The following GAP43 variants were observed in gnomAD, a reference collection of about 807,000 sequenced individuals.
GAP43 encodes the protein growth associated protein 43, also known as neuromodulin.
A neutral mutation model predicts 18.6 loss-of-function variants in GAP43; 6 were observed. The observed-to-expected ratio is 0.32, with a 90% CI of 0.18 to 0.64. The LOEUF is 0.64. Ranked by LOEUF, GAP43 falls within the 30% of genes least tolerant of loss-of-function variation. GAP43 has a pLI of 0.78. For synonymous variants in GAP43, 115 were observed against 111.4 expected (o/e 1.03, Z -0.20); for missense variants, 292 against 295.5 (o/e 0.99, Z 0.09).
chr3:115,704,217 G>C (rs1179940710), intron 2 of GAP43, among the ~76,000 whole-genome samples: 2 of 152,034 alleles, frequency 1.3e-5, no homozygotes, highest in Non-Finnish European at 2.9e-5. Context: ...CATTCTGCTG[G>C]CACTGGAGGT....
chr3:115,678,851 G>A (rs572008643), intron 2 of GAP43, among the ~76,000 whole-genome samples: 4 of 151,298 alleles, frequency 2.6e-5, no homozygotes, highest in Admixed American at 2.0e-4. Context: ...CTCTTGGTTA[G>A]ATTCAGAAAT....
At chr3:115,645,900 C>A (rs1225103285) in intron 1 of GAP43, among the ~76,000 whole-genome samples, 1 of 152,002 alleles carries the variant, frequency 6.6e-6, no homozygotes. Flanking sequence ...TATGCAGACA[C>A]AAAACTCTTA....
chr3:115,647,124 G>C (rs985479780), intron 1 of GAP43, among the ~76,000 whole-genome samples: 4 of 152,010 alleles, frequency 2.6e-5, no homozygotes, highest in African/African-American at 9.7e-5. Context: ...TAGGTCATGA[G>C]AGTGAAGCCC....
chr3:115,682,242 T>C (rs184661652), intron 2 of GAP43, among the ~76,000 whole-genome samples: 8 of 152,332 alleles, frequency 5.3e-5, no homozygotes, highest in Admixed American at 5.2e-4. Context: ...GAGAGAGCTA[T>C]AAAGATCAGC....
chr3:115,646,553 T>C (rs1708459662), intron 1 of GAP43, among the ~76,000 whole-genome samples: 2 of 151,980 alleles, frequency 1.3e-5, no homozygotes, highest in Admixed American at 1.3e-4. Flanking sequence ...TCAGAAGGGC[T>C]CTAATGAAAG....
At chr3:115,714,235 A>G in intron 2 of GAP43, among the ~76,000 whole-genome samples, 1 of 152,230 alleles carries the variant, frequency 6.6e-6, no homozygotes, top group East Asian at 1.9e-4. Flanking sequence ...TTGAGCTATC[A>G]TGCATCAAGA....
chr3:115,720,871 G>C lies in GAP43; in HGVS notation c.706G>C (p.Glu236Gln), dbSNP rs1709568722. Residue 236 changes from glutamate to glutamine, a missense_variant, in exon 3 of 3, where the codon GAA (glutamate) becomes CAA (glutamine). Transcript: ENST00000305124. ...GKEEEPEADQ[E>Q]HA ...AGAAGAGGAACCTGAGGCTGACCAAGAACATGCCTGAACTCTAAGAAATGG... is the reference window on the plus strand; with the variant it reads ...AGAAGAGGAACCTGAGGCTGACCAACAACATGCCTGAACTCTAAGAAATGG... 1.2e-6 allele frequency: 2 copies of C among 1,610,982 alleles called. No individual in the cohort carries two copies. The highest frequency in any genetic ancestry group is 1.7e-6 in the Non-Finnish European group (2 of 1,177,788).
At chr3:115,693,263 A>G (rs1709138453) in intron 2 of GAP43, among the ~76,000 whole-genome samples, 1 of 152,076 alleles carries the variant, frequency 6.6e-6, no homozygotes, top group African/African-American at 2.4e-5. Context: ...GAATTTATTA[A>G]CCAAAGGGAG....
intron 1 of GAP43, among the ~76,000 whole-genome samples, chr3:115,632,519 T>G (rs1708272996): frequency 6.6e-6 from 1 of 152,200 alleles, no homozygotes; most frequent in Admixed American, 6.5e-5. Flanking sequence ...TCCCTGGGCA[T>G]GACTGGGATA....
chr3:115,663,715 ACTGACAGCT>A, intron 1 of GAP43: 1 of 1,514,890 alleles, frequency 6.6e-7, no homozygotes, highest in Non-Finnish European at 8.8e-7. Context: ...ATAAAATTGG[ACTGACAGCT>A]CTACAGCCTA....
chr3:115,720,087 C>T (rs1363035901), intron 2 of GAP43, among the ~76,000 whole-genome samples: 1 of 152,174 alleles, frequency 6.6e-6, no homozygotes, highest in Non-Finnish European at 1.5e-5. Flanking sequence ...AGGCTAGTGA[C>T]TTGTTTCTGA....
Position 115,662,610 on chromosome 3 carries a change from AG to A in GAP43, c.31-13402del, listed in dbSNP as rs532985978. On this transcript the variant is annotated intron_variant, in intron 1 of 2. Transcript: ENST00000305124. The stretch of plus-strand genomic sequence containing the variant: ...TATGGGAAATTCTTGGTTTCTGAGA[AG>A]TAAATCAGAATCCTGGTAAGAGTGG... Among the ~76,000 whole-genome samples, 10 of 152,330 alleles carry A rather than the reference AG, an allele frequency of 6.6e-5. No homozygotes were observed. In the East Asian group the frequency reaches 1.7e-3, roughly 26 times the overall value.
intron 1 of GAP43, among the ~76,000 whole-genome samples, chr3:115,635,434 TCTTCCATCTTAAA>T (rs1708315945): frequency 6.6e-6 from 1 of 152,132 alleles, no homozygotes; most frequent in African/African-American, 2.4e-5. Flanking sequence ...ACACATTCTT[TCTTCCATCTTAAA>T]CTTTGTACCT....
At chr3:115,652,250 C>A (rs1189336599) in intron 1 of GAP43, among the ~76,000 whole-genome samples, 1 of 144,760 alleles carries the variant, frequency 6.9e-6, no homozygotes, top group Admixed American at 7.1e-5. Context: ...TTATTTAATT[C>A]TTTCATTTGT....
chr3:115,720,804 T>G lies in GAP43; in HGVS notation c.639T>G (p.Asp213Glu), dbSNP rs759793179. The G allele has an allele frequency of 2.5e-6, 4 of 1,612,674 alleles. No individual in the cohort carries two copies. In the Admixed American group the frequency reaches 6.7e-5, roughly 27 times the overall value. The change falls in exon 3 of 3, where the codon GAT becomes GAG. Residue 213 changes from aspartate to glutamate, a missense_variant. Physicochemically the swap from Asp to Glu is conservative, Grantham distance 45. Coordinates refer to ENST00000305124, the MANE Select transcript of GAP43 (RefSeq NM_002045.4). ...TGTTTTCTTTCTCAGAAGCTGTAGA[T>G]GAAACCAAACCTAAGGAAAGTGCCC... ...SQAEENIEAV[D>E]ETKPKESARQ...
chr3:115,650,157 C>A (rs934650542), intron 1 of GAP43, among the ~76,000 whole-genome samples: 1 of 152,106 alleles, frequency 6.6e-6, no homozygotes, highest in Non-Finnish European at 1.5e-5. Flanking sequence ...AAAACACTGA[C>A]TAATTTAGGA....
At chr3:115,631,466 G>C (rs1246777283) in intron 1 of GAP43, among the ~76,000 whole-genome samples, 2 of 152,170 alleles carry the variant, frequency 1.3e-5, no homozygotes, top group Non-Finnish European at 2.9e-5. Context: ...TGCAAACAAT[G>C]TGTTTTTGAA....
At chr3:115,681,356 C>T (rs73136440) in intron 2 of GAP43, among the ~76,000 whole-genome samples, 9,231 of 152,174 alleles carry the variant, frequency 0.061, 343 homozygotes, top group Middle Eastern at 0.13. Context: ...AACTGTAGCC[C>T]TACAGTTCTT....
chr3:115,654,693 A>G (rs1260264153), intron 1 of GAP43, among the ~76,000 whole-genome samples: 1 of 152,208 alleles, frequency 6.6e-6, no homozygotes, highest in African/African-American at 2.4e-5. Flanking sequence ...ATCCCTGTTT[A>G]CAGATATTTA....
Sources: gnomAD v4.1 joint callset for allele counts (sites outside exome capture counted in the v4.1 genomes callset) on GRCh38, gnomAD v4.1.1 for gene constraint, MANE v1.5 for transcripts, NCBI Gene and HGNC (gene_info 2026-07-23, HGNC 2026-07-21) for gene names.